MAGI2: variants seen among roughly 807,000 people sequenced by gnomAD.
MAGI2 encodes the protein membrane-associated guanylate kinase, WW and PDZ domain-containing protein 2.
A neutral mutation model predicts 133.3 loss-of-function variants in MAGI2; 35 were observed. The observed-to-expected ratio is 0.26, with a 90% confidence interval of 0.20 to 0.35. MAGI2 has a LOEUF of 0.35. Ranked by LOEUF, MAGI2 falls within the 10% of genes least tolerant of loss-of-function variation. MAGI2 has a pLI of 1.00. For missense variants in MAGI2, 1,636 were observed against 1,863.4 expected (o/e 0.88, Z 2.25); for synonymous variants, 729 against 710.6 (o/e 1.03, Z -0.41).
chr7:78,593,384 T>C (rs1259441979), intron 3 of MAGI2, among the ~76,000 whole-genome samples: 4 of 151,822 alleles, frequency 2.6e-5, no homozygotes, highest in Non-Finnish European at 2.9e-5. Flanking sequence ...AGAGCGAGAC[T>C]CCGTCTCAAA....
intron 2 of MAGI2, among the ~76,000 whole-genome samples, chr7:78,961,381 T>C (rs371017110): frequency 6.6e-6 from 1 of 152,140 alleles, no homozygotes; most frequent in African/African-American, 2.4e-5. Flanking sequence ...AATTCTCTCT[T>C]CTGGTAGAAG....
At chr7:78,162,374 A>AG in intron 15 of MAGI2, among the ~76,000 whole-genome samples, 1 of 126,938 alleles carries the variant, frequency 7.9e-6, no homozygotes. Flanking sequence ...AAAAAAAAAA[A>AG]TTTAGCTGGG....
chr7:78,487,588 G>A (rs116963910), intron 6 of MAGI2, among the ~76,000 whole-genome samples: 2,260 of 152,098 alleles, frequency 0.015, 44 homozygotes, highest in Admixed American at 0.063. Flanking sequence ...GAAAATGTTT[G>A]CCAACCTGCA....
intron 10 of MAGI2, among the ~76,000 whole-genome samples, chr7:78,203,374 C>T (rs1413502358): frequency 1.3e-5 from 2 of 152,122 alleles, no homozygotes; most frequent in Admixed American, 6.5e-5. Flanking sequence ...AATCATCTAC[C>T]GTCTCAGGAG....
chr7:79,106,535 C>T (rs1051174753), intron 1 of MAGI2, among the ~76,000 whole-genome samples: 8 of 152,026 alleles, frequency 5.3e-5, no homozygotes, highest in Non-Finnish European at 1.0e-4. Flanking sequence ...AACGAAATCA[C>T]TCAAAAGTTC....
chr7:78,919,575 A>G (rs902907938), intron 2 of MAGI2, among the ~76,000 whole-genome samples: 1 of 152,146 alleles, frequency 6.6e-6, no homozygotes, highest in African/African-American at 2.4e-5. Flanking sequence ...TCAGTAATGT[A>G]TCACTTATTC....
At chr7:79,226,897 A>G (rs1178451920) in intron 1 of MAGI2, among the ~76,000 whole-genome samples, 1 of 152,130 alleles carries the variant, frequency 6.6e-6, no homozygotes, top group Non-Finnish European at 1.5e-5. Flanking sequence ...AGAATATGTA[A>G]TTTGCAAGTG....
intron 3 of MAGI2, among the ~76,000 whole-genome samples, chr7:78,623,187 A>G (rs1807930928): frequency 6.6e-6 from 1 of 152,086 alleles, no homozygotes; most frequent in Non-Finnish European, 1.5e-5. Flanking sequence ...CTTATATAAA[A>G]TCAGTTTAGA....
chr7:78,103,801 T>C (rs1818412467), intron 20 of MAGI2, among the ~76,000 whole-genome samples: 1 of 152,288 alleles, frequency 6.6e-6, no homozygotes, highest in South Asian at 2.1e-4. Flanking sequence ...GGCTATGAAT[T>C]GAAATATTTC....
rs1267522110 is a variant in MAGI2, at chr7:78,542,553, G to A, written c.539-20908C>T. Among the ~76,000 whole-genome samples, 4 of 152,206 alleles carry A rather than the reference G, an allele frequency of 2.6e-5. No individual in the cohort carries two copies. In the South Asian group the frequency reaches 8.3e-4, roughly 32 times the overall value. The stretch of plus-strand genomic sequence containing the variant: ...TGGGTAAGAATGGCCCATCTGAAGC[G>A]ATGCTATTTATACTAAGATGAAAAA... On this transcript the variant is annotated intron_variant, in intron 3 of 21. Transcript: ENST00000354212.
intron 1 of MAGI2, among the ~76,000 whole-genome samples, chr7:79,400,559 C>T (rs1420608003): frequency 6.6e-6 from 1 of 152,114 alleles, no homozygotes; most frequent in Non-Finnish European, 1.5e-5. Context: ...GCAGAATTCC[C>T]TAAATGCAAA....
intron 13 of MAGI2, among the ~76,000 whole-genome samples, chr7:78,184,268 A>C (rs1827473036): frequency 6.6e-6 from 1 of 152,250 alleles, no homozygotes. Context: ...ATGTTTTAAA[A>C]AAATTGCAAA....
At chr7:78,659,424 C>CAAAAAAA (rs71085553) in intron 2 of MAGI2, among the ~76,000 whole-genome samples, 17 of 23,670 alleles carry the variant, frequency 7.2e-4, no homozygotes, top group Admixed American at 1.5e-3. Context: ...GACTTCATCT[C>CAAAAAAA]AAAAAAAAAA....
intron 2 of MAGI2, among the ~76,000 whole-genome samples, chr7:78,807,398 T>A (rs1432778651): frequency 6.6e-6 from 1 of 152,204 alleles, no homozygotes; most frequent in African/African-American, 2.4e-5. Flanking sequence ...GACACTGTTT[T>A]CTGAATCTCT....
chr7:78,086,704 G>A (rs1046291089), intron 20 of MAGI2, among the ~76,000 whole-genome samples: 12 of 150,872 alleles, frequency 8.0e-5, no homozygotes, highest in South Asian at 6.3e-4. Flanking sequence ...GCGTGACCTC[G>A]GCTCGCTGCA....
At chr7:78,613,712 A>G (rs1215719558) in intron 3 of MAGI2, among the ~76,000 whole-genome samples, 1 of 152,214 alleles carries the variant, frequency 6.6e-6, no homozygotes, top group Admixed American at 6.5e-5. Context: ...GTGTACTAAA[A>G]TGAAGGTTAT....
At chr7:78,106,410 G>T (rs1324528124) in intron 20 of MAGI2, among the ~76,000 whole-genome samples, 1 of 151,940 alleles carries the variant, frequency 6.6e-6, no homozygotes, top group African/African-American at 2.4e-5. Context: ...CTACTTTTAG[G>T]GGGTTTTTTG....
At chr7:78,099,380 A>G (rs534751824) in intron 20 of MAGI2, among the ~76,000 whole-genome samples, 13 of 152,284 alleles carry the variant, frequency 8.5e-5, no homozygotes, top group African/African-American at 2.4e-4. Context: ...ACATTTTACA[A>G]TAGTGTTCTG....
chr7:78,953,749 C>A (rs551866115), intron 2 of MAGI2, among the ~76,000 whole-genome samples: 1 of 152,020 alleles, frequency 6.6e-6, no homozygotes, highest in Non-Finnish European at 1.5e-5. Context: ...GTTGAGATCG[C>A]CGATCATTTT....
Sources: gnomAD v4.1 joint callset for allele counts (sites outside exome capture counted in the v4.1 genomes callset) on GRCh38, gnomAD v4.1.1 for gene constraint, MANE v1.5 for transcripts, NCBI Gene and HGNC (gene_info 2026-07-23, HGNC 2026-07-21) for gene names.